The following MORC3 variants were observed in gnomAD, a reference collection of about 807,000 sequenced individuals.
MORC3 encodes MORC family CW-type zinc finger protein 3.
A neutral mutation model predicts 109.1 loss-of-function variants in MORC3; 31 were observed. The observed-to-expected ratio is 0.28, with a 90% CI of 0.21 to 0.38. The LOEUF (loss-of-function observed/expected upper bound fraction) is 0.38. Among genes scored for constraint, MORC3 ranks in the 10% least tolerant of loss-of-function variants. The pLI is 1.00. For missense variants in MORC3, 867 were observed against 1,135.8 expected, an observed-to-expected ratio of 0.76 and a Z score of 3.40; for synonymous variants, 395 against 380.7, an observed-to-expected ratio of 1.04 and a Z score of -0.44.
intron 14 of MORC3, among the ~76,000 whole-genome samples, chr21:36,364,800 C>T (rs1213748149): frequency 6.6e-6 from 1 of 151,176 alleles, no homozygotes; most frequent in Non-Finnish European, 1.5e-5. Flanking sequence ...GCCTGTAATC[C>T]CAGCACTTTG....
chr21:36,367,300 A>C (rs1321669658), intron 14 of MORC3, among the ~76,000 whole-genome samples: 1 of 152,176 alleles, frequency 6.6e-6, no homozygotes, highest in Admixed American at 6.6e-5. Context: ...TGATGATGGC[A>C]GTTTGAGCAC....
At chr21:36,334,991 G>T (rs114101034) in intron 2 of MORC3, among the ~76,000 whole-genome samples, 4,011 of 152,110 alleles carry the variant, frequency 0.026, 166 homozygotes, top group African/African-American at 0.088. Context: ...ATTCGCCAGG[G>T]TGGTGGTGCA....
intron 15 of MORC3, among the ~76,000 whole-genome samples, chr21:36,371,605 C>G (rs1201317090): frequency 2.6e-5 from 4 of 152,162 alleles, no homozygotes; most frequent in African/African-American, 9.7e-5. Flanking sequence ...AGTGTGGTTT[C>G]TATAGAATGC....
At chr21:36,353,473 C>G (rs71330671) in intron 9 of MORC3, among the ~76,000 whole-genome samples, 4,228 of 151,800 alleles carry the variant, frequency 0.028, 149 homozygotes, top group South Asian at 0.15. Context: ...CACTAGACCA[C>G]CAGGGAACCA....
In MORC3 at chr21:36,333,573, G is replaced by A. The variant is rs904623464; in HGVS notation, c.40-73G>A. 4 of 1,223,204 alleles carry A rather than the reference G, an allele frequency of 3.3e-6. No homozygotes were observed. The Admixed American group carries it at 7.0e-5, about 21-fold the overall frequency. 75.8% of individuals were successfully genotyped at this position (1,223,204 alleles called of 1,614,324 possible). On this transcript the variant is annotated intron_variant, in intron 1 of 16. Transcript: ENST00000400485. ...TTGGTCTCAATGTTGTTTAACACAGGGATAAAAATACTGGTTTTTATTTTC... is the reference window on the plus strand; with the variant it reads ...TTGGTCTCAATGTTGTTTAACACAGAGATAAAAATACTGGTTTTTATTTTC...
chr21:36,369,535 C>A lies in MORC3; in HGVS notation c.2167C>A (p.Gln723Lys). 1.9e-6 allele frequency: 3 copies of A among 1,614,064 alleles called. No homozygotes were observed. In the South Asian group the frequency reaches 3.3e-5, roughly 18 times the overall value. The change falls in exon 15 of 17, where the codon CAA becomes AAA. Residue 723 changes from glutamine to lysine, a missense_variant. Physicochemically the swap from Gln to Lys is moderately conservative, Grantham distance 53 (BLOSUM62 1). Coordinates refer to ENST00000400485, the MANE Select transcript of MORC3 (RefSeq NM_015358.3). ...AAGACAGTGTCATATGTTTACTGATCAAATCAAAGTGTTACAACAGAGGAT... is the reference window on the plus strand; with the variant it reads ...AAGACAGTGTCATATGTTTACTGATAAAATCAAAGTGTTACAACAGAGGAT... ...YKRQCHMFTD[Q>K]IKVLQQRILE... is the part of the protein sequence containing the mutation.
intron 13 of MORC3, 37 bp from the exon 14 acceptor site, chr21:36,364,056 A>G (rs1213884093): frequency 6.3e-6 from 10 of 1,592,408 alleles, no homozygotes; most frequent in South Asian, 5.6e-5. Context: ...CACACTAGAA[A>G]TAGTTCCTTT....
At chr21:36,332,639 G>A (rs928827657) in intron 1 of MORC3, among the ~76,000 whole-genome samples, 6 of 152,190 alleles carry the variant, frequency 3.9e-5, no homozygotes, top group African/African-American at 1.4e-4. Flanking sequence ...CTGAGACTCA[G>A]CTGTTTGTTA....
chr21:36,357,610 T>C (rs549181081), intron 10 of MORC3, among the ~76,000 whole-genome samples: 2 of 152,120 alleles, frequency 1.3e-5, no homozygotes, highest in African/African-American at 4.8e-5. Flanking sequence ...AAATTTCTGC[T>C]AGTATTTTAA....
intron 10 of MORC3, among the ~76,000 whole-genome samples, chr21:36,357,886 G>A (rs897308334): frequency 5.9e-5 from 9 of 151,482 alleles, no homozygotes; most frequent in Admixed American, 2.0e-4. Flanking sequence ...GACTACAGGC[G>A]TGTGCCACCA....
intron 1 of MORC3, among the ~76,000 whole-genome samples, chr21:36,324,583 T>C (rs2085228909): frequency 6.6e-6 from 1 of 151,744 alleles, no homozygotes; most frequent in African/African-American, 2.4e-5. Context: ...GGCCTAACCG[T>C]AGTATTTTTG....
intron 9 of MORC3, among the ~76,000 whole-genome samples, chr21:36,354,327 T>C (rs1419315866): frequency 1.4e-4 from 20 of 142,534 alleles, no homozygotes; most frequent in African/African-American, 2.1e-4. Flanking sequence ...TTCTTTCTTT[T>C]TTTTTTTTTT....
At chr21:36,356,759 G>T in intron 10 of MORC3, 35 bp downstream of exon 10, 2 of 1,309,072 alleles carry the variant, frequency 1.5e-6, no homozygotes, top group Non-Finnish European at 2.2e-6. Flanking sequence ...ATTTCACTTA[G>T]ATATCAAGAT....
intron 1 of MORC3, among the ~76,000 whole-genome samples, chr21:36,333,121 G>A (rs996935813): frequency 6.6e-6 from 1 of 152,158 alleles, no homozygotes; most frequent in Non-Finnish European, 1.5e-5. Context: ...TCTTTGAAGA[G>A]TTTGTAGATG....
intron 9 of MORC3, among the ~76,000 whole-genome samples, chr21:36,353,770 T>TTTTTTTTTC (rs1457964403): frequency 7.2e-6 from 1 of 139,094 alleles, no homozygotes; most frequent in African/African-American, 2.7e-5. Flanking sequence ...TTTTTTTTTT[T>TTTTTTTTTC]TTTTTTTAGT....
rs1471511895 is a variant in MORC3 at position 36,369,116 on chromosome 21, A to G, written c.1748A>G (p.Asn583Ser). 1 of 1,614,088 alleles carries G rather than the reference A, an allele frequency of 6.2e-7. No individual in the cohort carries two copies. Among genetic ancestry groups the G allele is most frequent in the South Asian group, 1.1e-5 (1 of 91,070 alleles). ...DDEDVIILEE[N>S]STPKPAVDHD... ...GAAGATGTCATCATCTTAGAAGAAAACAGTACCCCCAAACCTGCAGTAGAT... is the reference window on the plus strand; with the variant it reads ...GAAGATGTCATCATCTTAGAAGAAAGCAGTACCCCCAAACCTGCAGTAGAT... The change falls in exon 15 of 17, where the codon AAC becomes AGC. Residue 583 changes from asparagine (N) to serine (S), a missense_variant. Coordinates refer to ENST00000400485, the MANE Select transcript of MORC3 (RefSeq NM_015358.3).
intron 1 of MORC3, among the ~76,000 whole-genome samples, chr21:36,330,457 C>T (rs138876226): frequency 1.3e-5 from 2 of 152,244 alleles, no homozygotes; most frequent in East Asian, 1.9e-4. Flanking sequence ...TGACTTGTCT[C>T]GCCTTTCTGA....
chr21:36,376,609 A>G lies in MORC3; in HGVS notation c.*1313A>G, dbSNP rs923038779. 5 of 152,174 alleles carry G rather than the reference A, an allele frequency of 3.3e-5. No individual in the cohort carries two copies. The highest frequency in any genetic ancestry group is 7.4e-5 in the Non-Finnish European group (5 of 68,024). 9.4% of individuals were successfully genotyped at this position (152,174 alleles called of 1,614,324 possible). A position where few individuals can be genotyped will look rare whatever the true frequency, so the allele number is the denominator to read the frequency against. ...CCCAAATTTTAAAATATCTTATAAT[A>G]AAATAAAAATATATGATGGCTAACT... On this transcript the variant is annotated 3_prime_UTR_variant, in exon 17 of 17. Transcript: ENST00000400485.
chr21:36,357,731 G>GTT (rs1271655500), intron 10 of MORC3, among the ~76,000 whole-genome samples: 9 of 135,018 alleles, frequency 6.7e-5, no homozygotes, highest in South Asian at 4.8e-4. Context: ...GGTTGGTTGG[G>GTT]TTTTTTTTTT....
Sources: allele counts gnomAD v4.1 joint callset (sites outside exome capture counted in the v4.1 genomes callset), GRCh38; gene constraint gnomAD v4.1.1; transcripts MANE v1.5; gene names NCBI Gene and HGNC (gene_info 2026-07-23, HGNC 2026-07-21).